Variants in C14orf132 observed in about 807,000 individuals in gnomAD.
The protein encoded by C14orf132 is chromosome 14 open reading frame 132, also known as uncharacterized protein C14orf132.
Under a neutral mutation model 5.8 loss-of-function variants are expected in C14orf132, and 6 were observed. That is an observed-to-expected ratio of 1.03 (90% CI 0.57 to 2.04). C14orf132 has a LOEUF of 2.04. C14orf132 is among the 30% of genes most tolerant of loss of function. The pLI is 0.00. For synonymous variants in C14orf132, 51 were observed against 49.8 expected, an observed-to-expected ratio of 1.02 and a Z score of -0.10; for missense variants, 125 against 115.8, an observed-to-expected ratio of 1.08 and a Z score of -0.37.
intron 1 of C14orf132, among the ~76,000 whole-genome samples, chr14:96,071,580 C>T (rs865881538): frequency 6.6e-6 from 1 of 152,240 alleles, no homozygotes; most frequent in Non-Finnish European, 1.5e-5. Context: ...CGTGAACACA[C>T]ACTGCCCCCT....
At position 96,092,754 on chromosome 14, in the gene C14orf132, A is replaced by G. The variant is rs1183397567; in HGVS notation, c.*6019A>G. The G allele has an allele frequency of 6.6e-6, 1 of 152,164 alleles. No individual in the cohort carries two copies. The highest frequency in any genetic ancestry group is 1.5e-5 in the Non-Finnish European group (1 of 68,034). The allele number at this position is 152,164 out of a possible 1,614,324, so 9.4% of individuals were successfully genotyped here. Reference sequence around the variant, plus strand: ...GGTCTTGAGCCCAGGACACCTAACTATCGAGTTTTCACTAGGAGACTTAGT... The same window carrying G: ...GGTCTTGAGCCCAGGACACCTAACTGTCGAGTTTTCACTAGGAGACTTAGT... On this transcript the variant is annotated 3_prime_UTR_variant, in exon 2 of 2. Transcript: ENST00000555004.
intron 1 of C14orf132, among the ~76,000 whole-genome samples, chr14:96,042,149 C>T (rs893677973): frequency 6.6e-6 from 1 of 152,112 alleles, no homozygotes; most frequent in African/African-American, 2.4e-5. Flanking sequence ...GCATATATCT[C>T]CTGGTGGGCC....
intron 1 of C14orf132, among the ~76,000 whole-genome samples, chr14:96,072,372 G>A (rs1185740719): frequency 6.6e-6 from 1 of 152,206 alleles, no homozygotes; most frequent in Non-Finnish European, 1.5e-5. Context: ...CTGAGTCTGT[G>A]CAGTGGGAAG....
Position 96,039,392 on chromosome 14 carries a change from C to A in C14orf132, c.-109C>A, listed in dbSNP as rs901676235. 9 of 1,117,846 alleles carry A rather than the reference C, an allele frequency of 8.1e-6. No homozygotes were observed. The highest frequency in any genetic ancestry group is 4.9e-5 in the African/African-American group (3 of 61,432). 69.2% of individuals were successfully genotyped at this position (1,117,846 alleles called of 1,614,324 possible). A position where few individuals can be genotyped will look rare whatever the true frequency, so the allele number is the denominator to read the frequency against. On this transcript the variant is annotated 5_prime_UTR_variant, in exon 1 of 2. Coordinates refer to ENST00000555004, the MANE Select transcript of C14orf132 (RefSeq NM_001252507.3). The surrounding 1 kb of genome is among the most constrained non-coding windows in gnomAD (Gnocchi z 5.3). ...CCCAGAGACAGCCGAGTGCGCCGTG[C>A]GGTCTCCGGACGCTCGCTGCTCAGC...
At chr14:96,076,838 T>C (rs1216590836) in intron 1 of C14orf132, among the ~76,000 whole-genome samples, 2 of 152,256 alleles carry the variant, frequency 1.3e-5, no homozygotes, top group Non-Finnish European at 2.9e-5. Flanking sequence ...TGCTGATAAC[T>C]TGTATTTTCA....
At chr14:96,049,628 ATACATATATACG>A (rs372354541) in intron 1 of C14orf132, among the ~76,000 whole-genome samples, 7,483 of 90,780 alleles carry the variant, frequency 0.082, 1,208 homozygotes, top group East Asian at 0.14. Context: ...ACGTATATAT[ATACATATATACG>A]TATATATATA....
At chr14:96,058,097 GA>G (rs1365901063) in intron 1 of C14orf132, among the ~76,000 whole-genome samples, 1 of 152,164 alleles carries the variant, frequency 6.6e-6, no homozygotes, top group Admixed American at 6.5e-5. Flanking sequence ...TGAAGCAACT[GA>G]GGCTCAGATT....
intron 1 of C14orf132, among the ~76,000 whole-genome samples, chr14:96,048,163 G>A (rs1012225975): frequency 2.0e-5 from 3 of 152,172 alleles, no homozygotes; most frequent in Non-Finnish European, 4.4e-5. Context: ...ACTCCAGCCT[G>A]GGTGACAGAG....
chr14:96,092,927 T>A lies in C14orf132; in HGVS notation c.*6192T>A, dbSNP rs1888462683. The A allele has an allele frequency of 6.6e-6, 1 of 152,206 alleles. No individual in the cohort carries two copies. The highest frequency in any genetic ancestry group is 1.5e-5 in the Non-Finnish European group (1 of 68,056). 9.4% of individuals were successfully genotyped at this position (152,206 alleles called of 1,614,324 possible). On this transcript the variant is annotated 3_prime_UTR_variant, in exon 2 of 2. Coordinates refer to ENST00000555004, the MANE Select transcript of C14orf132 (RefSeq NM_001252507.3). ...AGGGATGCCACCGAACATCCTACAA[T>A]GCACAGGGCAGCCCCCCACAAATAA...
At chr14:96,080,675 C>T (rs1888003829) in intron 1 of C14orf132, among the ~76,000 whole-genome samples, 1 of 152,220 alleles carries the variant, frequency 6.6e-6, no homozygotes, top group African/African-American at 2.4e-5. Context: ...CCACCCCACT[C>T]CTTGGAGCAG....
intron 1 of C14orf132, among the ~76,000 whole-genome samples, chr14:96,073,166 T>C (rs1887761484): frequency 6.6e-6 from 1 of 152,206 alleles, no homozygotes; most frequent in African/African-American, 2.4e-5. Context: ...TTTTTAAGTT[T>C]AGCCATTGTG....
chr14:96,054,414 G>A (rs947630071), intron 1 of C14orf132, among the ~76,000 whole-genome samples: 2 of 152,184 alleles, frequency 1.3e-5, no homozygotes, highest in African/African-American at 4.8e-5. Flanking sequence ...ATGGTAATGT[G>A]GCACCTGAGA....
intron 1 of C14orf132, among the ~76,000 whole-genome samples, chr14:96,074,765 A>C (rs557695303): frequency 1.4e-5 from 2 of 147,236 alleles, no homozygotes; most frequent in South Asian, 4.5e-4. Flanking sequence ...TGGACCCTCT[A>C]TTTAATGTAT....
At chr14:96,062,217 C>T (rs527390315) in intron 1 of C14orf132, among the ~76,000 whole-genome samples, 1 of 152,228 alleles carries the variant, frequency 6.6e-6, no homozygotes, top group African/African-American at 2.4e-5. Flanking sequence ...CTTCTCTGAA[C>T]CTTCCACAGT....
chr14:96,075,222 G>C (rs1887828052), intron 1 of C14orf132, among the ~76,000 whole-genome samples: 1 of 152,034 alleles, frequency 6.6e-6, no homozygotes, highest in South Asian at 2.1e-4. Flanking sequence ...GCTTGAGTGT[G>C]GAAACACAAT....
chr14:96,040,401 C>A (rs553508900), intron 1 of C14orf132: 8 of 398,152 alleles, frequency 2.0e-5, no homozygotes, highest in African/African-American at 1.4e-4. Context: ...ACATCTTGCA[C>A]CTTCTCTGGT....
Position 96,087,051 on chromosome 14 carries a change from CAT to C in C14orf132, c.*318_*319del. The C allele has an allele frequency of 2.5e-6, 1 of 392,584 alleles. No homozygotes were observed. Among genetic ancestry groups the C allele is most frequent in the Non-Finnish European group, 4.6e-6 (1 of 215,554 alleles). The allele number at this position is 392,584 out of a possible 1,614,324, so 24.3% of individuals were successfully genotyped here. The stretch of plus-strand genomic sequence containing the variant: ...ATGAGACAGCTAGTTAAGTTTAAAA[CAT>C]AGACATGATTTGATGATCGCTTGCT... On this transcript the variant is annotated 3_prime_UTR_variant, in exon 2 of 2. Coordinates refer to ENST00000555004, the MANE Select transcript of C14orf132 (RefSeq NM_001252507.3).
At chr14:96,059,444 C>G (rs2139656802) in intron 1 of C14orf132, among the ~76,000 whole-genome samples, 1 of 152,306 alleles carries the variant, frequency 6.6e-6, no homozygotes, top group East Asian at 1.9e-4. Context: ...CAGCACTTCT[C>G]ATCATTCCCA....
chr14:96,056,018 A>G (rs1887172523), intron 1 of C14orf132, among the ~76,000 whole-genome samples: 3 of 152,230 alleles, frequency 2.0e-5, no homozygotes, highest in African/African-American at 7.2e-5. Context: ...CTGGGATTTA[A>G]GAAATAATTA....
Sources: gnomAD v4.1 joint callset for allele counts (sites outside exome capture counted in the v4.1 genomes callset) on GRCh38, gnomAD v4.1.1 for gene constraint, Gnocchi (gnomAD v3.1) non-coding constraint, MANE v1.5 for transcripts, NCBI Gene and HGNC (gene_info 2026-07-23, HGNC 2026-07-21) for gene names.